CAST: variants seen among roughly 807,000 people sequenced by gnomAD.
The protein encoded by CAST is MIR583 host.
In CAST, 76 loss-of-function variants were observed where a neutral mutation model predicts 119.6. That is an observed-to-expected ratio of 0.64 (90% CI 0.53 to 0.77). The LOEUF is 0.77. Ranked by LOEUF, CAST falls within the 30% of genes least tolerant of loss-of-function variation. CAST has a pLI of 0.00. For synonymous variants in CAST, 319 were observed against 331.6 expected (o/e 0.96, Z 0.41); for missense variants, 953 against 946.5 (o/e 1.01, Z -0.09).
the CAST span, among the ~76,000 whole-genome samples, chr5:96,452,640 T>TAAAAAAAAAAAAAAAAAAA: frequency 1.1e-5 from 1 of 90,140 alleles, no homozygotes; most frequent in Admixed American, 1.2e-4. Context: ...TAAAGTATAA[T>TAAAAAAAAAAAAAAAAAAA]AAAAAAAAAA....
At chr5:96,079,740 G>C in the CAST span, among the ~76,000 whole-genome samples, 1 of 152,012 alleles carries the variant, frequency 6.6e-6, no homozygotes, top group African/African-American at 2.4e-5. Flanking sequence ...GAATCAATTA[G>C]GAACATACTA....
chr5:96,325,193 G>A, the CAST span, among the ~76,000 whole-genome samples: 46 of 152,218 alleles, frequency 3.0e-4, no homozygotes, highest in East Asian at 7.7e-3. Context: ...GACAGAGTGA[G>A]AGCCTGTCTC....
chr5:96,297,670 G>T, the CAST span, among the ~76,000 whole-genome samples: 2 of 152,156 alleles, frequency 1.3e-5, no homozygotes, highest in Non-Finnish European at 2.9e-5. Context: ...GACAGAGGAG[G>T]CAAAGATGAA....
At chr5:96,411,845 T>A in the CAST span, among the ~76,000 whole-genome samples, 5 of 152,238 alleles carry the variant, frequency 3.3e-5, no homozygotes, top group Admixed American at 6.5e-5. Context: ...GGTCTCACTC[T>A]GTCACCCAGG....
At chr5:96,424,186 A>C in the CAST span, among the ~76,000 whole-genome samples, 2 of 152,360 alleles carry the variant, frequency 1.3e-5, no homozygotes, top group Admixed American at 1.3e-4. Flanking sequence ...TGAAAGGGTC[A>C]ATAAGAAATC....
chr5:96,445,929 C>A, the CAST span, among the ~76,000 whole-genome samples: 1 of 152,164 alleles, frequency 6.6e-6, no homozygotes, highest in South Asian at 2.1e-4. Context: ...CTCACTGCAG[C>A]CTCGACCTCC....
At chr5:96,019,310 G>A in the CAST span, among the ~76,000 whole-genome samples, 1 of 152,154 alleles carries the variant, frequency 6.6e-6, no homozygotes, top group Non-Finnish European at 1.5e-5. Context: ...TTCAATACAT[G>A]TGATTATGAT....
rs112835890 is a variant in CAST at position 96,752,961 on chromosome 5, TACACACACAC to T, written c.1525-1078_1525-1069del. On this transcript the variant is annotated intron_variant, in intron 20 of 31. Transcript: ENST00000675179. The stretch of plus-strand genomic sequence containing the variant: ...TCCCTTCTATGTATGATGCATTTTA[TACACACACAC>T]ACACACACACACACACACACTCTTA... Among the ~76,000 whole-genome samples, 12 of 143,378 alleles carry T rather than the reference TACACACACAC, an allele frequency of 8.4e-5. No individual in the cohort carries two copies. The South Asian group carries it at 1.3e-3, about 16-fold the overall frequency. The allele number at this position is 143,378 out of a possible 152,430, so 94.1% of individuals were successfully genotyped here.
chr5:96,648,982 A>G (rs1420850634), intron 1 of CAST, among the ~76,000 whole-genome samples: 2 of 152,148 alleles, frequency 1.3e-5, no homozygotes, highest in African/African-American at 4.8e-5. Context: ...TGTTGCATAA[A>G]CAGTCTGTAG....
At chr5:96,469,636 AAG>A in the CAST span, among the ~76,000 whole-genome samples, 2 of 151,910 alleles carry the variant, frequency 1.3e-5, no homozygotes, top group Non-Finnish European at 2.9e-5. Context: ...AATGCATTGA[AAG>A]AGAACTGTCA....
chr5:96,410,840 G>C, the CAST span: 20 of 1,614,106 alleles, frequency 1.2e-5, no homozygotes, highest in Admixed American at 1.7e-5. Flanking sequence ...ACTTCTCAGC[G>C]TACCAGGGGG....
the CAST span, among the ~76,000 whole-genome samples, chr5:95,984,781 G>A: frequency 1.3e-5 from 2 of 152,158 alleles, no homozygotes; most frequent in African/African-American, 4.8e-5. Context: ...TACTTGAAAT[G>A]TGGCTAGTTT....
chr5:96,712,029 A>G (rs964551753), intron 3 of CAST, among the ~76,000 whole-genome samples: 4 of 152,250 alleles, frequency 2.6e-5, no homozygotes, highest in Non-Finnish European at 5.9e-5. Context: ...AGGAAATAGG[A>G]CACCCTTACC....
intron 1 of CAST, among the ~76,000 whole-genome samples, chr5:96,587,954 C>T (rs994217282): frequency 6.6e-6 from 1 of 152,082 alleles, no homozygotes; most frequent in Non-Finnish European, 1.5e-5. Flanking sequence ...TATACTAGTG[C>T]CAGCTCGCTG....
the CAST span, among the ~76,000 whole-genome samples, chr5:96,137,419 A>G: frequency 6.6e-6 from 1 of 152,108 alleles, no homozygotes; most frequent in Non-Finnish European, 1.5e-5. Context: ...TTATTGAAGG[A>G]TTTCTTACCA....
chr5:96,293,395 A>G, the CAST span, among the ~76,000 whole-genome samples: 1 of 152,106 alleles, frequency 6.6e-6, no homozygotes, highest in East Asian at 1.9e-4. Flanking sequence ...CTCCTGTCTC[A>G]GCCTCCCGAG....
chr5:96,077,248 AAATT>A, the CAST span, among the ~76,000 whole-genome samples: 1 of 152,166 alleles, frequency 6.6e-6, no homozygotes, highest in Non-Finnish European at 1.5e-5. Context: ...TTTCATGAAT[AAATT>A]CTCAGAAATG....
chr5:96,647,286 C>T (rs972081892), intron 1 of CAST, among the ~76,000 whole-genome samples: 9 of 152,328 alleles, frequency 5.9e-5, no homozygotes, highest in Admixed American at 2.6e-4. Flanking sequence ...ATTGGTTGTA[C>T]AAGATCATAC....
chr5:96,217,754 A>G, the CAST span, among the ~76,000 whole-genome samples: 7 of 152,176 alleles, frequency 4.6e-5, no homozygotes, highest in Non-Finnish European at 4.4e-5. Context: ...TTTTATATCT[A>G]AAGTACAGAA....
Sources: allele counts gnomAD v4.1 joint callset (sites outside exome capture counted in the v4.1 genomes callset), GRCh38; gene constraint gnomAD v4.1.1; transcripts MANE v1.5; gene names NCBI Gene and HGNC (gene_info 2026-07-23, HGNC 2026-07-21).